Variants in ITPR1 observed in about 807,000 individuals in gnomAD.
ITPR1 encodes the protein inositol 1,4,5-trisphosphate receptor type 1.
ITPR1 carries 96 observed loss-of-function variants against 318.4 expected under a neutral mutation model. The observed-to-expected ratio is 0.30, with a 90% confidence interval of 0.26 to 0.36. The LOEUF (loss-of-function observed/expected upper bound fraction) is 0.36. Ranked by LOEUF, ITPR1 falls within the 10% of genes least tolerant of loss-of-function variation. The pLI is 1.00. For missense variants in ITPR1, 2,440 were observed against 3,460.2 expected (o/e 0.71, Z 7.40); for synonymous variants, 1,312 against 1,289.9 (o/e 1.02, Z -0.37).
intron 30 of ITPR1, among the ~76,000 whole-genome samples, chr3:4,687,603 G>T (rs1040038481): frequency 3.3e-5 from 5 of 152,176 alleles, no homozygotes; most frequent in African/African-American, 7.2e-5. Flanking sequence ...TATGAAGGAT[G>T]ATTTCCAGTT....
intron 4 of ITPR1, among the ~76,000 whole-genome samples, chr3:4,622,969 G>C (rs1030529699): frequency 2.6e-5 from 4 of 152,220 alleles, no homozygotes; most frequent in African/African-American, 9.6e-5. Context: ...GCAGTGGGGA[G>C]GAGGGCATGG....
At position 4,733,203 on chromosome 3, in the gene ITPR1, G is replaced by A; in HGVS notation, c.5336G>A (p.Gly1779Asp). 1.9e-6 allele frequency: 3 copies of A among 1,613,978 alleles called. No homozygotes were observed. Among genetic ancestry groups the A allele is most frequent in the Non-Finnish European group, 2.5e-6 (3 of 1,179,860 alleles). ...GGCCCACTGTCAGCAGGAGGACCCG[G>A]CAAGCCCGGGGGAGGAGGTACGCTT... ...GNGPLSAGGP[G>D]KPGGGGGGSG... Residue 1779 changes from glycine (G) to aspartate (D), a missense_variant, in exon 43 of 62, where the codon GGC becomes GAC. Transcript: ENST00000649015.
At chr3:4,722,641 C>G (rs564461098) in intron 40 of ITPR1, among the ~76,000 whole-genome samples, 10 of 152,130 alleles carry the variant, frequency 6.6e-5, no homozygotes, top group East Asian at 3.9e-4. Flanking sequence ...TAACCTTATC[C>G]TCAAGGAAAC....
chr3:4,802,207 A>T (rs2048276825), intron 54 of ITPR1, among the ~76,000 whole-genome samples: 1 of 152,156 alleles, frequency 6.6e-6, no homozygotes, highest in Non-Finnish European at 1.5e-5. Context: ...TCCAAGGAAA[A>T]CAGTGTCTTT....
At chr3:4,534,541 A>G (rs1389593260) in intron 4 of ITPR1, among the ~76,000 whole-genome samples, 5 of 152,216 alleles carry the variant, frequency 3.3e-5, no homozygotes, top group Admixed American at 6.5e-5. Context: ...CCAAAACAAT[A>G]GCTGGAGGTC....
At chr3:4,832,933 C>A (rs541646926) in intron 60 of ITPR1, among the ~76,000 whole-genome samples, 11 of 152,328 alleles carry the variant, frequency 7.2e-5, no homozygotes, top group Non-Finnish European at 1.6e-4. Context: ...GTCTTCAGCA[C>A]ACACTCTTTA....
rs1392354334 is a variant in ITPR1, at chr3:4,699,843, G to A, written c.4438G>A (p.Ala1480Thr). The change falls in exon 35 of 62, where the codon GCA (alanine) becomes ACA (threonine). Residue 1480 changes from alanine to threonine, a missense_variant. Around this residue, in one of 23 missense-constraint regions of ITPR1, gnomAD observed 73 missense variants for 59.5 expected, o/e 1.23. Transcript: ENST00000649015. ...ACNNTSDRKH[A>T]DSILEKYVTE... Reference sequence around the variant, plus strand: ...TAACAACACTAGTGACAGGAAACATGCAGACTCGATTTTGGAGAAGTATGT... The same window carrying A: ...TAACAACACTAGTGACAGGAAACATACAGACTCGATTTTGGAGAAGTATGT... 1 of 1,613,726 alleles carries A rather than the reference G, an allele frequency of 6.2e-7. No homozygotes were observed. Among genetic ancestry groups the A allele is most frequent in the Non-Finnish European group, 8.5e-7 (1 of 1,179,802 alleles).
intron 4 of ITPR1, among the ~76,000 whole-genome samples, chr3:4,591,089 G>A (rs1401889946): frequency 6.6e-6 from 1 of 152,120 alleles, no homozygotes; most frequent in Non-Finnish European, 1.5e-5. Context: ...AGTATTCCAT[G>A]GTGTAGATTT....
intron 4 of ITPR1, among the ~76,000 whole-genome samples, chr3:4,589,130 C>T (rs2090169752): frequency 6.6e-6 from 1 of 152,042 alleles, no homozygotes; most frequent in South Asian, 2.1e-4. Context: ...TGAGATCAGC[C>T]TGGGCAACAT....
At chr3:4,781,889 A>G (rs2046860716) in intron 49 of ITPR1, among the ~76,000 whole-genome samples, 1 of 152,308 alleles carries the variant, frequency 6.6e-6, no homozygotes, top group East Asian at 1.9e-4. Context: ...AGGATAAGGC[A>G]GGAGGATCAC....
chr3:4,709,014 G>A (rs758130978), intron 37 of ITPR1, among the ~76,000 whole-genome samples: 2 of 152,218 alleles, frequency 1.3e-5, no homozygotes, highest in Non-Finnish European at 2.9e-5. Context: ...AAAAGATGCA[G>A]GATTTCATGA....
chr3:4,836,091 T>C (rs1221318834), intron 60 of ITPR1, among the ~76,000 whole-genome samples: 10 of 152,204 alleles, frequency 6.6e-5, no homozygotes, highest in Non-Finnish European at 2.9e-5. Flanking sequence ...ACGTATCTGT[T>C]AAGTGACAGA....
rs573473431 is a variant in ITPR1, at chr3:4,803,531, C to T, written c.7108-2572C>T. Among the ~76,000 whole-genome samples the T allele has an allele frequency of 6.6e-5, 10 of 152,222 alleles. No homozygotes were observed. The South Asian group carries it at 1.7e-3, about 25-fold the overall frequency. On this transcript the variant is annotated intron_variant, in intron 54 of 61. Transcript: ENST00000649015. ...AAAGACACGCTGTTAACGTGAGCTGCGGCATTTGGAAATACATGACCAGAA... is the reference window on the plus strand; with the variant it reads ...AAAGACACGCTGTTAACGTGAGCTGTGGCATTTGGAAATACATGACCAGAA...
At chr3:4,531,944 G>A (rs757205973) in intron 4 of ITPR1, among the ~76,000 whole-genome samples, 8 of 152,168 alleles carry the variant, frequency 5.3e-5, no homozygotes, top group Non-Finnish European at 8.8e-5. Flanking sequence ...ACTTAACCTG[G>A]CAATGCCTCC....
At chr3:4,609,722 G>A (rs2091962346) in intron 4 of ITPR1, among the ~76,000 whole-genome samples, 1 of 152,108 alleles carries the variant, frequency 6.6e-6, no homozygotes, top group South Asian at 2.1e-4. Flanking sequence ...GGTCGGGGCT[G>A]GTTGGAAATG....
chr3:4,826,060 G>A lies in ITPR1; in HGVS notation c.8028+7818G>A, dbSNP rs985322443. ...AGAGGAAGGGCGAGTCCAACAGGGC[G>A]TGCACTTAACCCTGGTCTGACCTTT... On this transcript the variant is annotated intron_variant, in intron 60 of 61. Coordinates refer to ENST00000649015, the MANE Select transcript of ITPR1 (RefSeq NM_001378452.1). The surrounding 1 kb of genome is among the most constrained non-coding windows in gnomAD (Gnocchi z 4.2). Among the ~76,000 whole-genome samples the A allele has an allele frequency of 5.9e-5, 9 of 152,330 alleles. No individual in the cohort carries two copies. The highest frequency in any genetic ancestry group is 7.3e-5 in the Non-Finnish European group (5 of 68,030).
chr3:4,704,654 G>T (rs2094721219), intron 36 of ITPR1, among the ~76,000 whole-genome samples: 1 of 152,180 alleles, frequency 6.6e-6, no homozygotes, highest in Non-Finnish European at 1.5e-5. Context: ...ATTTTAGCAA[G>T]TGGTTGACTT....
chr3:4,793,810 C>T (rs2047723037), intron 52 of ITPR1, among the ~76,000 whole-genome samples: 1 of 152,188 alleles, frequency 6.6e-6, no homozygotes, highest in Non-Finnish European at 1.5e-5. Context: ...TAGATGATTG[C>T]TCATGGCTCT....
intron 4 of ITPR1, among the ~76,000 whole-genome samples, chr3:4,621,584 G>C (rs1251803465): frequency 1.3e-5 from 2 of 152,180 alleles, no homozygotes; most frequent in Admixed American, 1.3e-4. Flanking sequence ...AGGCACACCA[G>C]GTTCTTCCTT....
Sources: allele counts gnomAD v4.1 joint callset (sites outside exome capture counted in the v4.1 genomes callset), GRCh38; gene constraint gnomAD v4.1.1; regional missense constraint gnomAD v4.1.1; non-coding constraint Gnocchi (gnomAD v3.1); transcripts MANE v1.5; gene names NCBI Gene and HGNC (gene_info 2026-07-23, HGNC 2026-07-21).